The following KLHL1 variants were observed in gnomAD, a reference collection of about 807,000 sequenced individuals.
KLHL1 encodes the protein kelch like family member 1, also known as kelch-like protein 1.
A neutral mutation model predicts 77.7 loss-of-function variants in KLHL1; 47 were observed. That is an observed-to-expected ratio of 0.60 (90% CI 0.48 to 0.77). KLHL1 has a LOEUF of 0.77. Ranked by LOEUF, KLHL1 falls within the 30% of genes least tolerant of loss-of-function variation. The probability of loss-of-function intolerance (pLI) is 0.00; values close to 1 mark genes in which losing one functional copy is unlikely to be tolerated. For synonymous variants in KLHL1, 360 were observed against 325.2 expected, an observed-to-expected ratio of 1.11 and a Z score of -1.15; for missense variants, 925 against 910.8, an observed-to-expected ratio of 1.02 and a Z score of -0.20.
intron 1 of KLHL1, among the ~76,000 whole-genome samples, chr13:70,026,744 AAGAG>A (rs1885955967): frequency 1.6e-5 from 2 of 126,096 alleles, no homozygotes; most frequent in African/African-American, 6.4e-5. Flanking sequence ...GTGTGTGTGT[AAGAG>A]GGAGAGAGAG....
intron 4 of KLHL1, among the ~76,000 whole-genome samples, chr13:69,930,993 A>G (rs1273652322): frequency 6.7e-6 from 1 of 148,664 alleles, no homozygotes; most frequent in Non-Finnish European, 1.5e-5. Flanking sequence ...ACTACCTTTT[A>G]CATTTCATGG....
At chr13:70,059,470 G>C (rs1378442966) in intron 1 of KLHL1, among the ~76,000 whole-genome samples, 1 of 152,022 alleles carries the variant, frequency 6.6e-6, no homozygotes, top group Non-Finnish European at 1.5e-5. Context: ...ACGCCTGGCT[G>C]GGCAAATATT....
intron 1 of KLHL1, among the ~76,000 whole-genome samples, chr13:70,053,200 A>G (rs1460248510): frequency 7.2e-5 from 11 of 152,112 alleles, no homozygotes; most frequent in African/African-American, 2.4e-4. Flanking sequence ...CACAAAATAT[A>G]GTAGATTTTA....
intron 7 of KLHL1, among the ~76,000 whole-genome samples, chr13:69,791,048 A>AAC (rs200973987): frequency 3.7e-4 from 56 of 150,938 alleles, no homozygotes; most frequent in Admixed American, 9.3e-4. Flanking sequence ...CTGTGGGGGA[A>AAC]ACACACACAC....
chr13:69,895,795 C>A (rs548456647), intron 4 of KLHL1, among the ~76,000 whole-genome samples: 12 of 149,874 alleles, frequency 8.0e-5, no homozygotes, highest in South Asian at 4.2e-4. Context: ...CAGCTACCAT[C>A]TCCCAGGTTC....
chr13:69,979,147 CAG>C (rs1472876234), intron 1 of KLHL1, among the ~76,000 whole-genome samples: 1 of 146,404 alleles, frequency 6.8e-6, no homozygotes, highest in Non-Finnish European at 1.5e-5. Flanking sequence ...ATTAAAAAAA[CAG>C]AAAATTAGAT....
At chr13:69,883,217 T>C (rs1000331851) in intron 4 of KLHL1, among the ~76,000 whole-genome samples, 7 of 152,188 alleles carry the variant, frequency 4.6e-5, no homozygotes, top group Admixed American at 1.3e-4. Context: ...GAAGTTTTTG[T>C]TTTGTTTTGT....
chr13:69,893,170 A>T (rs1017693010), intron 4 of KLHL1, among the ~76,000 whole-genome samples: 15 of 150,990 alleles, frequency 9.9e-5, no homozygotes, highest in African/African-American at 3.2e-4. Flanking sequence ...CTAATGAAAT[A>T]GTATACTCTA....
chr13:70,063,741 G>A (rs1886945582), intron 1 of KLHL1, among the ~76,000 whole-genome samples: 1 of 151,950 alleles, frequency 6.6e-6, no homozygotes, highest in Non-Finnish European at 1.5e-5. Flanking sequence ...ATTTTAAAAT[G>A]TTTAGTACTT....
intron 3 of KLHL1, among the ~76,000 whole-genome samples, chr13:69,955,133 A>T (rs946871769): frequency 1.3e-5 from 2 of 151,314 alleles, no homozygotes; most frequent in African/African-American, 2.4e-5. Flanking sequence ...AATTCATGCC[A>T]CTTGAATTAA....
chr13:69,981,475 TTACA>T (rs1164353691), intron 1 of KLHL1, among the ~76,000 whole-genome samples: 3 of 151,996 alleles, frequency 2.0e-5, no homozygotes, highest in African/African-American at 7.2e-5. Flanking sequence ...GAAATCACTC[TTACA>T]TACATAGATC....
chr13:70,093,798 T>A (rs540774030), intron 1 of KLHL1, among the ~76,000 whole-genome samples: 5 of 152,150 alleles, frequency 3.3e-5, no homozygotes, highest in African/African-American at 4.8e-5. Flanking sequence ...GATTGAGAAA[T>A]GGAGTATGAA....
At chr13:69,760,622 TG>T (rs1440697955) in intron 7 of KLHL1, among the ~76,000 whole-genome samples, 2 of 152,112 alleles carry the variant, frequency 1.3e-5, no homozygotes, top group African/African-American at 4.8e-5. Context: ...CCCAAACTGC[TG>T]GGATTACAGG....
At chr13:69,776,834 C>T (rs1875852652) in intron 7 of KLHL1, among the ~76,000 whole-genome samples, 1 of 152,148 alleles carries the variant, frequency 6.6e-6, no homozygotes, top group South Asian at 2.1e-4. Flanking sequence ...CTTCTCTTAA[C>T]AGCTCTTTCT....
At chr13:69,843,237 A>G (rs1166991475) in intron 5 of KLHL1, among the ~76,000 whole-genome samples, 3 of 151,750 alleles carry the variant, frequency 2.0e-5, no homozygotes, top group Non-Finnish European at 4.4e-5. Context: ...AAAATTTCTC[A>G]TGTACTTCAT....
intron 1 of KLHL1, among the ~76,000 whole-genome samples, chr13:70,018,956 A>G (rs1593678425): frequency 6.6e-6 from 1 of 152,240 alleles, no homozygotes; most frequent in Non-Finnish European, 1.5e-5. Flanking sequence ...AATAATGGAG[A>G]TATCTGCTAA....
rs371830103 is a variant in KLHL1, at chr13:69,870,574, C to G, written c.1227+11709G>C. Among the ~76,000 whole-genome samples, 59 of 152,002 alleles carry G rather than the reference C, an allele frequency of 3.9e-4. 1 individual carries two copies. In the South Asian group the frequency reaches 0.012, roughly 32 times the overall value. ...GTTTTAAATTGTTCCAGCCTCAACT[C>G]AAAAGTCAAGCCTCATTTGAGACTC... On this transcript the variant is annotated intron_variant, in intron 5 of 10. Transcript: ENST00000377844.
chr13:70,045,527 TAATAAA>T (rs1336151933), intron 1 of KLHL1, among the ~76,000 whole-genome samples: 2 of 151,836 alleles, frequency 1.3e-5, no homozygotes, highest in Non-Finnish European at 2.9e-5. Context: ...GGAAAAGAAC[TAATAAA>T]TACATATTAT....
At chr13:70,058,359 T>A (rs1338127945) in intron 1 of KLHL1, among the ~76,000 whole-genome samples, 1 of 152,212 alleles carries the variant, frequency 6.6e-6, no homozygotes, top group Non-Finnish European at 1.5e-5. Context: ...AAAGCTATTA[T>A]AATTGATAAA....
Sources: gnomAD v4.1 joint callset for allele counts (sites outside exome capture counted in the v4.1 genomes callset) on GRCh38, gnomAD v4.1.1 for gene constraint, MANE v1.5 for transcripts, NCBI Gene and HGNC (gene_info 2026-07-23, HGNC 2026-07-21) for gene names.